The following NUCB2 variants were observed in gnomAD, a reference collection of about 807,000 sequenced individuals.
NUCB2 encodes nucleobindin 2, also known as nucleobindin-2.
In NUCB2, 48 loss-of-function variants were observed where a neutral mutation model predicts 57.9. The observed-to-expected ratio is 0.83, with a 90% CI of 0.66 to 1.05. The LOEUF (loss-of-function observed/expected upper bound fraction) is 1.05, where lower values mean the gene tolerates loss of function less well. Among genes scored for constraint, NUCB2 ranks in the 50% least tolerant of loss-of-function variants. NUCB2 has a pLI of 0.00. For synonymous variants in NUCB2, 139 were observed against 152.1 expected, an observed-to-expected ratio of 0.91 and a Z score of 0.64; for missense variants, 442 against 476.2, an observed-to-expected ratio of 0.93 and a Z score of 0.67.
Position 17,346,162 on chromosome 11 carries a change from A to G in NUCB2, n.2627-3183A>G, listed in dbSNP as rs540229421. Among the ~76,000 whole-genome samples, 17 of 152,356 alleles carry G rather than the reference A, an allele frequency of 1.1e-4. No individual in the cohort carries two copies. In the East Asian group the frequency reaches 2.5e-3, roughly 22 times the overall value. ...AGCCTGAGTAAGGGCCTTAGATACT[A>G]TCTTCCAATGAAGGAACCCCTTCTC... On this transcript the variant is annotated intron_variant and non_coding_transcript_variant, in intron 2 of 2. Coordinates refer to the NUCB2 transcript ENST00000532240.
chr11:17,305,094 C>A (rs1037918195), intron 5 of NUCB2, among the ~76,000 whole-genome samples: 16 of 151,880 alleles, frequency 1.1e-4, no homozygotes, highest in African/African-American at 3.9e-4. Flanking sequence ...GAAGCTAAGG[C>A]GGGCGGATCA....
At chr11:17,292,079 A>G (rs1945037906) in intron 2 of NUCB2, among the ~76,000 whole-genome samples, 1 of 152,112 alleles carries the variant, frequency 6.6e-6, no homozygotes, top group African/African-American at 2.4e-5. Flanking sequence ...AAAGATCTGT[A>G]CTAAAAAGAA....
chr11:17,327,982 G>A (rs1053090544), intron 11 of NUCB2, among the ~76,000 whole-genome samples: 3 of 152,192 alleles, frequency 2.0e-5, no homozygotes, highest in African/African-American at 4.8e-5. Context: ...TGGTGGTGAT[G>A]TGTGTAGATG....
At position 17,311,259 on chromosome 11, in the gene NUCB2, C is replaced by T; in HGVS notation, c.736C>T (p.Pro246Ser). 1 of 1,606,628 alleles carries T rather than the reference C, an allele frequency of 6.2e-7. No individual in the cohort carries two copies. The change falls in exon 8 of 14, where the codon CCC becomes TCC. Residue 246 changes from proline to serine, a missense_variant. Physicochemically the swap from Pro to Ser is moderately conservative, Grantham distance 74. Transcript: ENST00000529010. Reference sequence around the variant, plus strand: ...TGGATTGGATCCTAATGACTTTGACCCCAAGACATTTTTCAAATTACATGG... The same window carrying T: ...TGGATTGGATCCTAATGACTTTGACTCCAAGACATTTTTCAAATTACATGG... ...TDGLDPNDFD[P>S]KTFFKLHDVN...
Position 17,306,431 on chromosome 11 carries a change from A to T in NUCB2, c.380-3141A>T, listed in dbSNP as rs532687651. On this transcript the variant is annotated intron_variant, in intron 5 of 13. Coordinates refer to ENST00000529010, the MANE Select transcript of NUCB2 (RefSeq NM_005013.4). ...AATACCAAATACTCATCATCCTGAAATTAAGGATATCAATGAGAAGTAAAT... is the reference window on the plus strand; with the variant it reads ...AATACCAAATACTCATCATCCTGAATTTAAGGATATCAATGAGAAGTAAAT... Among the ~76,000 whole-genome samples, 5 of 152,326 alleles carry T rather than the reference A, an allele frequency of 3.3e-5. No individual in the cohort carries two copies. The East Asian group carries it at 9.6e-4, about 29-fold the overall frequency.
chr11:17,349,521 AAAG>A (rs535660752), exon 3 of NUCB2: 32 of 152,348 alleles, frequency 2.1e-4, no homozygotes, highest in African/African-American at 7.5e-4. Context: ...AGGAAGGGGA[AAAG>A]AAGATCATTT....
At chr11:17,295,214 T>G (rs1381303182) in intron 2 of NUCB2, 110 bp from the exon 3 acceptor site, 12 of 1,007,732 alleles carry the variant, frequency 1.2e-5, no homozygotes, top group Non-Finnish European at 1.7e-5. Flanking sequence ...TTTTTTTTGT[T>G]TTATTAAACC....
intron 2 of NUCB2, among the ~76,000 whole-genome samples, chr11:17,346,463 A>G (rs1293387381): frequency 5.2e-5 from 7 of 135,778 alleles, no homozygotes; most frequent in Non-Finnish European, 1.0e-4. Flanking sequence ...GAAGAGTCTA[A>G]TAAGCATTTA....
chr11:17,281,914 CAT>C (rs1942654257), intron 1 of NUCB2, among the ~76,000 whole-genome samples: 1 of 151,552 alleles, frequency 6.6e-6, no homozygotes, highest in African/African-American at 2.4e-5. Flanking sequence ...TGAGTTTGCA[CAT>C]GAGCTGATTT....
chr11:17,301,272 C>CTT (rs397848120), intron 4 of NUCB2, among the ~76,000 whole-genome samples: 798 of 73,216 alleles, frequency 0.011, 25 homozygotes, highest in African/African-American at 0.033. Context: ...CGCGCCTGGC[C>CTT]TTTTTTTTTT....
chr11:17,317,815 T>C (rs543192256), intron 11 of NUCB2: 1 of 172,940 alleles, frequency 5.8e-6, no homozygotes, highest in African/African-American at 2.4e-5. Flanking sequence ...TAGCCCACCA[T>C]AGTGAGAGAA....
chr11:17,295,437 C>A lies in NUCB2; in HGVS notation c.114C>A (p.His38Gln), dbSNP rs773456884. 48 of 1,611,870 alleles carry A rather than the reference C, an allele frequency of 3.0e-5. No individual in the cohort carries two copies. In the East Asian group the frequency reaches 1.1e-3, roughly 35 times the overall value. Residue 38 changes from histidine to glutamine, a missense_variant, in exon 3 of 14, where the codon CAC (histidine) becomes CAA (glutamine). Coordinates refer to ENST00000529010, the MANE Select transcript of NUCB2 (RefSeq NM_005013.4). ...DIDKTKVQNI[H>Q]PVESAKIEPP... ...ACAAGACAAAAGTACAAAATATTCA[C>A]CCTGTGGAAAGTGCGAAGATAGAAC...
At chr11:17,282,216 A>ATATCTATC (rs143444146) in intron 1 of NUCB2, among the ~76,000 whole-genome samples, 7 of 95,136 alleles carry the variant, frequency 7.4e-5, no homozygotes, top group South Asian at 3.1e-4. Flanking sequence ...ATCTATATCT[A>ATATCTATC]TATCTATCTA....
At chr11:17,280,901 C>CGTG (rs1311736511) in intron 1 of NUCB2, among the ~76,000 whole-genome samples, 7 of 151,914 alleles carry the variant, frequency 4.6e-5, no homozygotes, top group Non-Finnish European at 7.4e-5. Flanking sequence ...ACTAGCTGGG[C>CGTG]GTGGTGGTGC....
At chr11:17,304,699 A>G (rs1947329437) in intron 5 of NUCB2, among the ~76,000 whole-genome samples, 1 of 152,224 alleles carries the variant, frequency 6.6e-6, no homozygotes, top group African/African-American at 2.4e-5. Flanking sequence ...GTAGAAATCA[A>G]TATTTTCCAT....
At chr11:17,318,101 C>A (rs1949522889) in intron 11 of NUCB2, among the ~76,000 whole-genome samples, 1 of 151,316 alleles carries the variant, frequency 6.6e-6, no homozygotes, top group Non-Finnish European at 1.5e-5. Flanking sequence ...TCCCCCTCAA[C>A]CTGCCTGGGC....
chr11:17,342,672 G>T (rs2139636014), intron 2 of NUCB2, among the ~76,000 whole-genome samples: 1 of 150,032 alleles, frequency 6.7e-6, no homozygotes, highest in South Asian at 2.2e-4. Context: ...ACTGTGGTCT[G>T]AGAGATAGTT....
intron 2 of NUCB2, among the ~76,000 whole-genome samples, chr11:17,284,104 G>A (rs548400654): frequency 6.6e-6 from 1 of 151,892 alleles, no homozygotes; most frequent in Admixed American, 6.6e-5. Context: ...TGCAACCTCT[G>A]CCTCCTATGT....
chr11:17,341,898 C>G (rs1036482036), intron 2 of NUCB2, among the ~76,000 whole-genome samples: 14 of 152,228 alleles, frequency 9.2e-5, no homozygotes, highest in Non-Finnish European at 1.6e-4. Flanking sequence ...ATGGTACCAG[C>G]TCCTCCTTGT....
Sources: gnomAD v4.1 joint callset for allele counts (sites outside exome capture counted in the v4.1 genomes callset) on GRCh38, gnomAD v4.1.1 for gene constraint, MANE v1.5 for transcripts, NCBI Gene and HGNC (gene_info 2026-07-23, HGNC 2026-07-21) for gene names.